The following PCDHA6 variants were observed in gnomAD, a reference collection of about 807,000 sequenced individuals.
PCDHA6 encodes protocadherin alpha 6.
A neutral mutation model predicts 60.3 loss-of-function variants in PCDHA6; 55 were observed. The observed-to-expected ratio is 0.91, with a 90% CI of 0.73 to 1.14. PCDHA6 has a LOEUF of 1.14. Among genes scored for constraint, PCDHA6 ranks in the 50% most tolerant of loss-of-function variants. The pLI, the probability that PCDHA6 is intolerant of heterozygous loss-of-function variation, is 0.00. For synonymous variants in PCDHA6, 652 were observed against 557.9 expected, an observed-to-expected ratio of 1.17 and a Z score of -2.38; for missense variants, 1,327 against 1,256.5, an observed-to-expected ratio of 1.06 and a Z score of -0.85.
intron 3 of PCDHA6, among the ~76,000 whole-genome samples, chr5:141,000,413 A>AT (rs2097920175): frequency 1.1e-5 from 1 of 93,256 alleles, no homozygotes; most frequent in African/African-American, 4.5e-5. Context: ...ATATATATAT[A>AT]TATATATATT....
intron 1 of PCDHA6, among the ~76,000 whole-genome samples, chr5:140,916,856 G>C (rs529499839): frequency 2.6e-5 from 4 of 152,254 alleles, no homozygotes; most frequent in South Asian, 2.1e-4. Flanking sequence ...CCAGCACTAG[G>C]AGTTACCTAG....
chr5:140,906,545 T>C (rs1477554651), intron 1 of PCDHA6, among the ~76,000 whole-genome samples: 2 of 152,256 alleles, frequency 1.3e-5, no homozygotes, highest in Admixed American at 6.5e-5. Context: ...TCCTCATTTC[T>C]GCAACTGGTT....
chr5:140,884,733 T>C lies in PCDHA6; in HGVS notation c.2394+54248T>C, dbSNP rs782206169. On this transcript the variant is annotated intron_variant, in intron 1 of 3. Transcript: ENST00000529310. ...TCCTTGCAGTTGTTTGTTTAAGACA[T>C]CTTTCCTGCCAATTTCAAATTATTC... 1.1e-4 allele frequency: 158 copies of C among 1,448,002 alleles called. No homozygotes were observed. The Middle Eastern group carries it at 1.8e-3, about 17-fold the overall frequency. The allele number at this position is 1,448,002 out of a possible 1,614,324, so 89.7% of individuals were successfully genotyped here. A position where few individuals can be genotyped will look rare whatever the true frequency, so the allele number is the denominator to read the frequency against.
In PCDHA6 at chr5:140,842,902, G is replaced by A. The variant is rs2150347537; in HGVS notation, c.2394+12417G>A. The A allele has an allele frequency of 2.1e-5, 34 of 1,594,288 alleles. 5 individuals carry two copies. Among genetic ancestry groups the A allele is most frequent in the African/African-American group, 2.7e-5 (2 of 74,330 alleles). On this transcript the variant is annotated intron_variant, in intron 1 of 3. Coordinates refer to ENST00000529310, the MANE Select transcript of PCDHA6 (RefSeq NM_018909.4). ...CGCTGCAGCCGCTGGACCACGAGGA[G>A]CTAGAGCTGCTGCAGTTCCAGGTGA...
chr5:140,963,977 C>A (rs1311264244), intron 1 of PCDHA6, among the ~76,000 whole-genome samples: 1 of 152,164 alleles, frequency 6.6e-6, no homozygotes, highest in Non-Finnish European at 1.5e-5. Flanking sequence ...ACTCCAAAGT[C>A]TATATTCCTA....
rs183311315 is a variant in PCDHA6, at chr5:140,913,513, T to C, written c.2395-65436T>C. ...AGTCTGTTTAAAACTTTGTCAATTTTATTTATCTTTTCAAAAGATTGACTT... is the reference window on the plus strand; with the variant it reads ...AGTCTGTTTAAAACTTTGTCAATTTCATTTATCTTTTCAAAAGATTGACTT... On this transcript the variant is annotated intron_variant, in intron 1 of 3. Coordinates refer to ENST00000529310, the MANE Select transcript of PCDHA6 (RefSeq NM_018909.4). Among the ~76,000 whole-genome samples, 393 of 152,272 alleles carry C rather than the reference T, an allele frequency of 2.6e-3. 2 individuals are homozygous for C. The highest frequency in any genetic ancestry group is 9.2e-3 in the African/African-American group (382 of 41,572).
chr5:140,967,147 C>A (rs782815903), intron 1 of PCDHA6: 7 of 1,611,068 alleles, frequency 4.3e-6, no homozygotes, highest in South Asian at 2.2e-5. Flanking sequence ...TGGCGCACAA[C>A]CCCGTGGCGG....
intron 1 of PCDHA6, among the ~76,000 whole-genome samples, chr5:140,891,735 A>G (rs1200695234): frequency 2.6e-5 from 4 of 152,172 alleles, no homozygotes; most frequent in African/African-American, 9.7e-5. Context: ...TGAAAATTCA[A>G]TCCCTTATAC....
At position 140,920,535 on chromosome 5, in the gene PCDHA6, T is replaced by C. The variant is rs75447697; in HGVS notation, c.2395-58414T>C. ...TATGCAATTCGTTAGACTCAGGTTT[T>C]CTATTTCACCTTCGAAGTGTGGCCC... is the stretch of plus-strand genomic sequence containing the variant. On this transcript the variant is annotated intron_variant, in intron 1 of 3. Transcript: ENST00000529310. Among the ~76,000 whole-genome samples the C allele has an allele frequency of 1.3e-3, 198 of 152,336 alleles. 1 individual carries two copies. Among genetic ancestry groups the C allele is most frequent in the African/African-American group, 4.5e-3 (189 of 41,590 alleles).
chr5:140,887,309 G>T (rs2061400609), intron 1 of PCDHA6, among the ~76,000 whole-genome samples: 1 of 152,182 alleles, frequency 6.6e-6, no homozygotes, highest in South Asian at 2.1e-4. Flanking sequence ...TGTTAGCCAG[G>T]ATAGTCTCGA....
intron 3 of PCDHA6, among the ~76,000 whole-genome samples, chr5:140,995,339 G>A (rs782776966): frequency 1.3e-4 from 20 of 152,026 alleles, no homozygotes; most frequent in Non-Finnish European, 7.4e-5. Context: ...TAGTGTAGAC[G>A]GCATGGATAG....
At chr5:140,978,788 T>TA (rs2096823213) in intron 1 of PCDHA6, 161 bp from the exon 2 acceptor site, 1 of 974,810 alleles carries the variant, frequency 1.0e-6, no homozygotes, top group Non-Finnish European at 1.2e-6. Flanking sequence ...TCTAAAGTGC[T>TA]ATATATGTAG....
intron 1 of PCDHA6, among the ~76,000 whole-genome samples, chr5:140,898,043 T>A (rs1554187781): frequency 6.6e-6 from 1 of 152,148 alleles, no homozygotes; most frequent in African/African-American, 2.4e-5. Context: ...GTTGTTTGTT[T>A]TTTTCTTGTA....
intron 1 of PCDHA6, among the ~76,000 whole-genome samples, chr5:140,945,295 T>G (rs2093770302): frequency 6.6e-6 from 1 of 152,084 alleles, no homozygotes; most frequent in Non-Finnish European, 1.5e-5. Flanking sequence ...TGAAAGAAAT[T>G]GAAGAAGACA....
At position 140,830,286 on chromosome 5, in the gene PCDHA6, G is replaced by C. The variant is rs1434180043; in HGVS notation, c.2195G>C (p.Cys732Ser). The C allele has an allele frequency of 6.2e-7, 1 of 1,613,738 alleles. No individual in the cohort carries two copies. Among genetic ancestry groups the C allele is most frequent in the Non-Finnish European group, 8.5e-7 (1 of 1,179,868 alleles). Residue 732 changes from cysteine (C) to serine (S), a missense_variant, in exon 1 of 4, where the codon TGC (cysteine) becomes TCC (serine). Transcript: ENST00000529310. ...TCGGCGCCACCCACCGAGGGCGCGT[G>C]CACGGCGGACAAGCCCACGCTGGTG... is the stretch of plus-strand genomic sequence containing the variant. ...RCSAPPTEGA[C>S]TADKPTLVCS...
intron 3 of PCDHA6, among the ~76,000 whole-genome samples, chr5:140,984,053 TC>T (rs2097083610): frequency 6.6e-6 from 1 of 152,154 alleles, no homozygotes; most frequent in Non-Finnish European, 1.5e-5. Flanking sequence ...CATTGACAAA[TC>T]TGTACCCTCA....
At chr5:140,897,872 A>G (rs1327007992) in intron 1 of PCDHA6, among the ~76,000 whole-genome samples, 1 of 152,068 alleles carries the variant, frequency 6.6e-6, no homozygotes, top group Non-Finnish European at 1.5e-5. Context: ...CTTTTTAATG[A>G]TTGCCATTCT....
intron 3 of PCDHA6, among the ~76,000 whole-genome samples, chr5:140,985,879 A>G (rs539308826): frequency 6.6e-6 from 1 of 151,504 alleles, no homozygotes; most frequent in Non-Finnish European, 1.5e-5. Context: ...AGCTGGGACT[A>G]CAGGCGCCCG....
At chr5:140,877,649 C>A (rs369703340) in intron 1 of PCDHA6, 1 of 1,613,438 alleles carries the variant, frequency 6.2e-7, no homozygotes, top group Non-Finnish European at 8.5e-7. Context: ...TGCTCAGCGC[C>A]GCCCACCGTG....
Sources: gnomAD v4.1 joint callset for allele counts (sites outside exome capture counted in the v4.1 genomes callset) on GRCh38, gnomAD v4.1.1 for gene constraint, MANE v1.5 for transcripts, NCBI Gene and HGNC (gene_info 2026-07-23, HGNC 2026-07-21) for gene names.